DNAAF6: variants seen among roughly 807,000 people sequenced by gnomAD.
The protein encoded by DNAAF6 is PIH1 domain containing 3.
In DNAAF6, 3 loss-of-function variants were observed where a neutral mutation model predicts 13.7. The observed-to-expected ratio is 0.22, with a 90% CI of 0.10 to 0.56. The LOEUF (loss-of-function observed/expected upper bound fraction) is 0.56, where lower values mean the gene tolerates loss of function less well. DNAAF6 is among the 20% of genes least tolerant of loss of function. The probability of loss-of-function intolerance (pLI) is 0.92; values close to 1 mark genes in which losing one functional copy is unlikely to be tolerated. For missense variants in DNAAF6, 130 were observed against 151.0 expected (o/e 0.86, Z 0.73); for synonymous variants, 54 against 49.2 (o/e 1.10, Z -0.41).
chrX:107,226,945 A>G (rs983806003), intron 5 of DNAAF6, among the ~76,000 whole-genome samples: 10 of 111,504 alleles, frequency 9.0e-5, no homozygotes, highest in African/African-American at 2.9e-4. Flanking sequence ...AGACACAACC[A>G]GGAGTCACAT....
intron 1 of DNAAF6, chrX:107,207,404 C>T (rs1927733050): frequency 9.0e-6 from 1 of 111,301 alleles, no homozygotes; most frequent in African/African-American, 3.3e-5. Flanking sequence ...CTGCTACTCG[C>T]CAAGGGCTGA....
intron 6 of DNAAF6, among the ~76,000 whole-genome samples, chrX:107,239,487 G>A (rs952965778): frequency 8.1e-5 from 9 of 111,639 alleles, no homozygotes; most frequent in Admixed American, 9.5e-5. Context: ...CATCTTATCT[G>A]GATATAGAGC....
chrX:107,240,638 C>G (rs978593660), intron 6 of DNAAF6, among the ~76,000 whole-genome samples: 3 of 111,309 alleles, frequency 2.7e-5, no homozygotes, highest in Admixed American at 1.9e-4. Context: ...CCAATAAAAC[C>G]CAGGTATTTA....
intron 5 of DNAAF6, among the ~76,000 whole-genome samples, chrX:107,238,174 GT>G (rs1203553723): frequency 9.0e-6 from 1 of 111,178 alleles, no homozygotes; most frequent in African/African-American, 3.3e-5. Context: ...AACACATTTT[GT>G]TTTTTCCATT....
At chrX:107,224,058 G>C (rs193008554) in intron 5 of DNAAF6, among the ~76,000 whole-genome samples, 69 of 111,322 alleles carry the variant, frequency 6.2e-4, no homozygotes, top group African/African-American at 2.1e-3. Context: ...AATAATAAAG[G>C]TATCCTGAAT....
intron 1 of DNAAF6, among the ~76,000 whole-genome samples, chrX:107,209,419 G>T (rs1927798339): frequency 8.9e-6 from 1 of 111,755 alleles, no homozygotes; most frequent in South Asian, 3.8e-4. Context: ...AGTTCCAAAA[G>T]GATATTGCTT....
chrX:107,207,236 C>A (rs1236295919), intron 1 of DNAAF6: 1 of 111,417 alleles, frequency 9.0e-6, no homozygotes, highest in Non-Finnish European at 1.9e-5. Context: ...GGCCCCAGTA[C>A]TTACTACGTG....
chrX:107,231,967 C>A (rs1410699505), intron 5 of DNAAF6, among the ~76,000 whole-genome samples: 3 of 111,454 alleles, frequency 2.7e-5, no homozygotes, highest in Non-Finnish European at 5.7e-5. Flanking sequence ...CAGCGATTCT[C>A]CCACCTCAGC....
intron 5 of DNAAF6, among the ~76,000 whole-genome samples, chrX:107,234,725 C>G (rs1344017383): frequency 4.5e-5 from 5 of 111,784 alleles, no homozygotes; most frequent in Admixed American, 9.5e-5. Context: ...GTAAATAGTG[C>G]TGGTCAAGTT....
chrX:107,218,400 A>G (rs1481297751), intron 3 of DNAAF6, among the ~76,000 whole-genome samples: 1 of 112,106 alleles, frequency 8.9e-6, no homozygotes, highest in East Asian at 2.8e-4. Context: ...ACAATGCAAG[A>G]TAAGACATTT....
At chrX:107,242,853 C>G (rs994716336) in intron 6 of DNAAF6, among the ~76,000 whole-genome samples, 2 of 111,722 alleles carry the variant, frequency 1.8e-5, no homozygotes, top group African/African-American at 6.5e-5. Flanking sequence ...TGAGTGGCAA[C>G]AGATCTGTCC....
intron 2 of DNAAF6, among the ~76,000 whole-genome samples, chrX:107,213,688 C>A (rs1419631928): frequency 9.0e-6 from 1 of 111,226 alleles, no homozygotes; most frequent in Non-Finnish European, 1.9e-5. Context: ...GCCAGTATTC[C>A]CAGAACAATT....
intron 5 of DNAAF6, among the ~76,000 whole-genome samples, chrX:107,238,612 C>G (rs1021676126): frequency 8.9e-6 from 1 of 111,740 alleles, no homozygotes; most frequent in Non-Finnish European, 1.9e-5. Flanking sequence ...AGGTGTACTA[C>G]TATGTACCTT....
intron 6 of DNAAF6, 121 bp from the exon 7 acceptor site, chrX:107,243,048 C>A: frequency 1.3e-6 from 1 of 756,495 alleles, no homozygotes; most frequent in South Asian, 2.7e-5. Context: ...TTTACACTAT[C>A]TAAATATTGG....
chrX:107,206,812 T>C (rs1346781718), intron 1 of DNAAF6, 122 bp downstream of exon 1: 1 of 111,209 alleles, frequency 9.0e-6, no homozygotes, highest in Non-Finnish European at 1.9e-5. Context: ...AAGCCACAAG[T>C]TGGGCAAGGT....
At chrX:107,237,685 A>G (rs772996384) in intron 5 of DNAAF6, among the ~76,000 whole-genome samples, 67 of 112,203 alleles carry the variant, frequency 6.0e-4, no homozygotes, top group African/African-American at 2.1e-3. Flanking sequence ...TTCTGTCTGT[A>G]TAGATTTGCC....
intron 5 of DNAAF6, among the ~76,000 whole-genome samples, chrX:107,237,711 G>A (rs977643882): frequency 1.2e-4 from 14 of 112,032 alleles, no homozygotes; most frequent in Non-Finnish European, 1.5e-4. Context: ...TGGGCCGGGC[G>A]CGTGGCTTAC....
intron 4 of DNAAF6, 150 bp downstream of exon 4, chrX:107,219,119 T>G: frequency 1.3e-6 from 1 of 761,104 alleles, no homozygotes; most frequent in African/African-American, 2.2e-5. Flanking sequence ...AATTGATTAT[T>G]TTTTTCCTTC....
At chrX:107,241,441 A>C (rs1927668857) in intron 6 of DNAAF6, among the ~76,000 whole-genome samples, 1 of 111,806 alleles carries the variant, frequency 8.9e-6, no homozygotes, top group African/African-American at 3.2e-5. Flanking sequence ...TTATAGTACT[A>C]ATCTATGGTA....
Sources: gnomAD v4.1 joint callset for allele counts (sites outside exome capture counted in the v4.1 genomes callset) on GRCh38, gnomAD v4.1.1 for gene constraint, MANE v1.5 for transcripts, NCBI Gene and HGNC (gene_info 2026-07-23, HGNC 2026-07-21) for gene names.